The following CHD9 variants were observed in gnomAD, a reference collection of about 807,000 sequenced individuals.
The protein encoded by CHD9 is chromodomain helicase DNA binding protein 9.
Under a neutral mutation model 316.1 loss-of-function variants are expected in CHD9, and 77 were observed. The ratio of observed to expected loss-of-function variants is 0.24; its 90% confidence interval spans 0.20 to 0.29. The LOEUF (loss-of-function observed/expected upper bound fraction) is 0.29. CHD9 is among the 10% of genes least tolerant of loss of function. The pLI, the probability that CHD9 is intolerant of heterozygous loss-of-function variation, is 1.00. For missense variants in CHD9, 2,763 were observed against 3,438.1 expected, an observed-to-expected ratio of 0.80 and a Z score of 4.91; for synonymous variants, 1,129 against 1,158.3, an observed-to-expected ratio of 0.97 and a Z score of 0.51.
At position 53,252,323 on chromosome 16, in the gene CHD9, T is replaced by C. The variant is rs1205392912; in HGVS notation, c.3862-2115T>C. ...GGGAAAGGACACGCTATTCAACAAATGGTGCTGGGATAATTGGCAAGCCAC... is the reference window on the plus strand; with the variant it reads ...GGGAAAGGACACGCTATTCAACAAACGGTGCTGGGATAATTGGCAAGCCAC... On this transcript the variant is annotated intron_variant, in intron 17 of 38. Coordinates refer to ENST00000447540, the MANE Select transcript of CHD9 (RefSeq NM_001308319.2). Among the ~76,000 whole-genome samples the C allele has an allele frequency of 3.3e-5, 5 of 152,188 alleles. No homozygotes were observed. In the South Asian group the frequency reaches 1.0e-3, roughly 32 times the overall value.
At position 53,156,356 on chromosome 16, in the gene CHD9, A is replaced by C. The variant is rs1404627940; in HGVS notation, c.267A>C (p.Pro89=). The change falls in exon 2 of 39, where the codon CCA becomes CCC. Residue 89 remains proline (P), a synonymous_variant. Coordinates refer to ENST00000447540, the MANE Select transcript of CHD9 (RefSeq NM_001308319.2). ...ATGTTAATCAATCTTTTGGTAGCCCAGCTGAACATGTGTTATCTCCACACT... is the reference window on the plus strand; with the variant it reads ...ATGTTAATCAATCTTTTGGTAGCCCCGCTGAACATGTGTTATCTCCACACT... ...FHHVNQSFGS[P]AEHVLSPHSQ... is the part of the protein sequence containing the mutation. 20 of 1,614,020 alleles carry C rather than the reference A, an allele frequency of 1.2e-5. No homozygotes were observed. Among genetic ancestry groups the C allele is most frequent in the Non-Finnish European group, 1.6e-5 (19 of 1,179,874 alleles).
Position 53,287,816 on chromosome 16 carries a change from GT to G in CHD9, c.5190-140del, listed in dbSNP as rs1465949863. The G allele has an allele frequency of 7.5e-4, 486 of 643,916 alleles. 2 individuals are homozygous for G. In the African/African-American group the frequency reaches 8.5e-3, roughly 11 times the overall value. The allele number at this position is 643,916 out of a possible 1,614,324, so 39.9% of individuals were successfully genotyped here. On this transcript the variant is annotated intron_variant, in intron 26 of 38. Transcript: ENST00000447540. Reference sequence around the variant, plus strand: ...TTTGCTTTATAACAGCCTTCCTGCTGTGTCTTGGGCTCTTCTGGCTAGAGAA... The same window carrying G: ...TTTGCTTTATAACAGCCTTCCTGCTGGTCTTGGGCTCTTCTGGCTAGAGAA...
At chr16:53,213,650 G>T (rs2046506583) in intron 3 of CHD9, among the ~76,000 whole-genome samples, 1 of 152,168 alleles carries the variant, frequency 6.6e-6, no homozygotes, top group Admixed American at 6.5e-5. Flanking sequence ...AGGACTTCCA[G>T]TAGAATTTTC....
At chr16:53,170,402 G>A (rs1383984024) in intron 2 of CHD9, among the ~76,000 whole-genome samples, 1 of 152,136 alleles carries the variant, frequency 6.6e-6, no homozygotes, top group Non-Finnish European at 1.5e-5. Flanking sequence ...AGGAAGCCCT[G>A]TCAAGCCAAC....
At chr16:53,230,863 C>A (rs1426673114) in intron 8 of CHD9, among the ~76,000 whole-genome samples, 1 of 152,162 alleles carries the variant, frequency 6.6e-6, no homozygotes, top group Non-Finnish European at 1.5e-5. Flanking sequence ...AAGAAGGAAT[C>A]TAAAATGACT....
At chr16:53,082,608 G>A (rs932127333) in intron 1 of CHD9, among the ~76,000 whole-genome samples, 1 of 152,208 alleles carries the variant, frequency 6.6e-6, no homozygotes, top group Non-Finnish European at 1.5e-5. Context: ...CTCAGCCTCA[G>A]CTTATAGCCA....
rs1597789996 is a variant in CHD9 at position 53,279,013 on chromosome 16, A to G, written c.4967+4711A>G. Among the ~76,000 whole-genome samples, 5 of 152,352 alleles carry G rather than the reference A, an allele frequency of 3.3e-5. 2 individuals are homozygous for G. The highest frequency in any genetic ancestry group is 1.2e-4 in the African/African-American group (5 of 41,578). On this transcript the variant is annotated intron_variant, in intron 24 of 38. Coordinates refer to ENST00000447540, the MANE Select transcript of CHD9 (RefSeq NM_001308319.2). ...ACCCAGCCATCCCATTACTGGGTAT[A>G]TACCCAAAGGATTATAAAACATGCT... is the stretch of plus-strand genomic sequence containing the variant.
chr16:53,080,259 T>C (rs1448016827), intron 1 of CHD9, among the ~76,000 whole-genome samples: 4 of 152,216 alleles, frequency 2.6e-5, no homozygotes, highest in African/African-American at 9.6e-5. Flanking sequence ...TTTTTCTTTT[T>C]TTTATTAACC....
chr16:53,127,856 G>T (rs2152670908), intron 1 of CHD9, among the ~76,000 whole-genome samples: 1 of 149,958 alleles, frequency 6.7e-6, no homozygotes, highest in Admixed American at 6.7e-5. Context: ...GGGAGGTGGA[G>T]GTTGGTGTCC....
At chr16:53,238,638 A>G (rs2048827936) in intron 12 of CHD9, 52 bp downstream of exon 12, 13 of 1,572,634 alleles carry the variant, frequency 8.3e-6, no homozygotes, top group Admixed American at 3.4e-5. Context: ...GCTGAAAAAG[A>G]TAAGCATTAC....
chr16:53,210,354 A>C (rs185072382), intron 3 of CHD9, among the ~76,000 whole-genome samples: 1 of 151,752 alleles, frequency 6.6e-6, no homozygotes, highest in East Asian at 1.9e-4. Flanking sequence ...GTTCTTACTG[A>C]TTTACTTCCA....
intron 37 of CHD9, among the ~76,000 whole-genome samples, chr16:53,319,153 A>G (rs528807541): frequency 3.3e-4 from 50 of 152,340 alleles, no homozygotes; most frequent in African/African-American, 1.1e-3. Flanking sequence ...TTGTATATGT[A>G]TAGCTTTGAC....
intron 7 of CHD9, 142 bp from the exon 8 acceptor site, chr16:53,228,841 T>A: frequency 6.0e-6 from 3 of 498,148 alleles, no homozygotes; most frequent in South Asian, 8.6e-5. Context: ...TTAGAAATGA[T>A]CGTAATTCTA....
Position 53,324,227 on chromosome 16 carries a change from C to A in CHD9, c.8026C>A (p.Gln2676Lys). 1 of 1,609,206 alleles carries A rather than the reference C, an allele frequency of 6.2e-7. No individual in the cohort carries two copies. The highest frequency in any genetic ancestry group is 8.5e-7 in the Non-Finnish European group (1 of 1,177,876). Reference sequence around the variant, plus strand: ...GGATCTCACAACTCTTCAGGCCTTACAACAAAACCTACAAAACTTGCAGTC... The same window carrying A: ...GGATCTCACAACTCTTCAGGCCTTAAAACAAAACCTACAAAACTTGCAGTC... ...GVDLTTLQAL[Q>K]QNLQNLQSLQ... Residue 2676 changes from glutamine to lysine, a missense_variant, in exon 39 of 39, where the codon CAA (glutamine) becomes AAA (lysine). Around this residue, in one of 15 missense-constraint regions of CHD9, gnomAD observed 298 missense variants for 380.2 expected, o/e 0.78. Transcript: ENST00000447540.
chr16:53,075,143 A>G (rs748989634), intron 1 of CHD9, among the ~76,000 whole-genome samples: 2 of 152,130 alleles, frequency 1.3e-5, no homozygotes, highest in Non-Finnish European at 2.9e-5. Context: ...GACTGCCCTG[A>G]TGGATTTCAG....
rs181044628 is a variant in CHD9, at chr16:53,226,859, A to G, written c.2043+347A>G. On this transcript the variant is annotated intron_variant, in intron 5 of 38. Transcript: ENST00000447540. ...TCCTAAACCTTACAAAAATAACGAT[A>G]CCTTTTTAGCAGTGTATAAACCCCT... Among the ~76,000 whole-genome samples, 235 of 152,332 alleles carry G rather than the reference A, an allele frequency of 1.5e-3. 3 individuals carry two copies. The highest frequency in any genetic ancestry group is 5.4e-3 in the African/African-American group (223 of 41,574).
chr16:53,165,094 G>A (rs2042184093), intron 2 of CHD9, among the ~76,000 whole-genome samples: 1 of 152,124 alleles, frequency 6.6e-6, no homozygotes. Flanking sequence ...TCACAGAAAA[G>A]CAGACTGTCA....
At chr16:53,217,320 C>A (rs986189234) in intron 3 of CHD9, among the ~76,000 whole-genome samples, 2 of 152,164 alleles carry the variant, frequency 1.3e-5, no homozygotes, top group African/African-American at 2.4e-5. Context: ...TGGTGCAGAT[C>A]TTGGCTTACA....
intron 4 of CHD9, among the ~76,000 whole-genome samples, chr16:53,223,100 A>G (rs1483159154): frequency 2.0e-5 from 3 of 152,230 alleles, no homozygotes; most frequent in African/African-American, 7.2e-5. Flanking sequence ...CGTGATGGAC[A>G]TAGTAATTTT....
Sources: gnomAD v4.1 joint callset for allele counts (sites outside exome capture counted in the v4.1 genomes callset) on GRCh38, gnomAD v4.1.1 for gene constraint, gnomAD v4.1.1 regional missense constraint, MANE v1.5 for transcripts, NCBI Gene and HGNC (gene_info 2026-07-23, HGNC 2026-07-21) for gene names.